MED4: variants seen among roughly 807,000 people sequenced by gnomAD.
MED4 encodes the protein mediator of RNA polymerase II transcription subunit 4.
In MED4, 21 loss-of-function variants were observed where a neutral mutation model predicts 35.0. The ratio of observed to expected loss-of-function variants is 0.60; its 90% CI spans 0.43 to 0.86. MED4 has a LOEUF of 0.86. MED4 is among the 40% of genes least tolerant of loss of function. The pLI is 0.00. For missense variants in MED4, 300 were observed against 319.4 expected (o/e 0.94, Z 0.46); for synonymous variants, 138 against 114.0 (o/e 1.21, Z -1.34).
intron 1 of MED4, 85 bp downstream of exon 1, chr13:48,094,869 G>C: frequency 1.3e-6 from 2 of 1,558,898 alleles, no homozygotes; most frequent in Non-Finnish European, 1.7e-6. Flanking sequence ...CGAACCCCGA[G>C]AACGAGCACA....
chr13:48,079,713 A>T (rs1950789804), intron 6 of MED4, 131 bp downstream of exon 6: 1 of 1,095,024 alleles, frequency 9.1e-7, no homozygotes, highest in Non-Finnish European at 1.3e-6. Flanking sequence ...ACATAACAAG[A>T]CTGTCTCAAA....
chr13:48,094,558 T>C (rs991214924), intron 1 of MED4, among the ~76,000 whole-genome samples: 2 of 152,030 alleles, frequency 1.3e-5, no homozygotes, highest in African/African-American at 4.8e-5. Flanking sequence ...TGTGCTCCAG[T>C]ACCCCGCAGC....
intron 4 of MED4, among the ~76,000 whole-genome samples, chr13:48,081,933 A>T (rs528581649): frequency 1.1e-4 from 17 of 152,374 alleles, no homozygotes; most frequent in Admixed American, 1.1e-3. Context: ...CAGAAAAATT[A>T]GCTGACATAA....
Position 48,083,382 on chromosome 13 carries a change from T to G in MED4, c.410A>C (p.Lys137Thr). 6.2e-7 allele frequency: 1 copy of G among 1,613,076 alleles called. No individual in the cohort carries two copies. Among genetic ancestry groups the G allele is most frequent in the Non-Finnish European group, 8.5e-7 (1 of 1,179,684 alleles). ...CCCATGATACTAACCTTTTCTTGCTTTTTCTATTGACTTGAGTTTCTCCTT... is the reference window on the plus strand; with the variant it reads ...CCCATGATACTAACCTTTTCTTGCTGTTTCTATTGACTTGAGTTTCTCCTT... ...QAKEKLKSIEKARKGAISSEE... is the reference protein window; with the variant it reads ...QAKEKLKSIETARKGAISSEE... Residue 137 changes from lysine to threonine, a missense_variant, in exon 4 of 7, where the codon AAA (lysine) becomes ACA (threonine). Physicochemically the swap from Lys to Thr is moderately conservative, Grantham distance 78. Transcript: ENST00000258648.
At chr13:48,091,162 ACTTT>A (rs898296575) in intron 1 of MED4, among the ~76,000 whole-genome samples, 1 of 152,208 alleles carries the variant, frequency 6.6e-6, no homozygotes, top group African/African-American at 2.4e-5. Context: ...ATGATTCTCC[ACTTT>A]ATTTGAATTT....
chr13:48,082,735 G>GA (rs1425480261), intron 4 of MED4, among the ~76,000 whole-genome samples: 2 of 152,060 alleles, frequency 1.3e-5, no homozygotes, highest in South Asian at 4.1e-4. Context: ...GCTGAGGCAG[G>GA]AGAGTGGCGT....
chr13:48,084,858 T>C (rs9534951), intron 3 of MED4, among the ~76,000 whole-genome samples: 62,369 of 150,632 alleles, frequency 0.41, 15,415 homozygotes, highest in East Asian at 0.54. Context: ...ATATATAATA[T>C]ATACAAACAT....
intron 1 of MED4, among the ~76,000 whole-genome samples, chr13:48,090,805 A>C (rs1054644355): frequency 1.3e-5 from 2 of 152,260 alleles, no homozygotes; most frequent in Non-Finnish European, 2.9e-5. Context: ...ATCAAACTAC[A>C]AATTGCAGAC....
chr13:48,087,163 C>T (rs1191934348), intron 2 of MED4, among the ~76,000 whole-genome samples: 3 of 150,616 alleles, frequency 2.0e-5, no homozygotes, highest in East Asian at 2.0e-4. Flanking sequence ...GTCAAAAGTT[C>T]GAGACCAGCC....
intron 4 of MED4, among the ~76,000 whole-genome samples, chr13:48,083,012 G>A (rs917948350): frequency 2.0e-5 from 3 of 152,266 alleles, no homozygotes; most frequent in East Asian, 1.9e-4. Context: ...GTTGCCCAAT[G>A]GATGTCTTTT....
chr13:48,092,939 G>C (rs1950900590), intron 1 of MED4, among the ~76,000 whole-genome samples: 1 of 152,036 alleles, frequency 6.6e-6, no homozygotes, highest in Non-Finnish European at 1.5e-5. Flanking sequence ...TAGAGGGGAG[G>C]TAGAAGTCTC....
At chr13:48,081,788 G>A in intron 4 of MED4, 57 bp from the exon 5 acceptor site, 1 of 1,077,658 alleles carries the variant, frequency 9.3e-7, no homozygotes, top group Non-Finnish European at 1.4e-6. Flanking sequence ...TACAAGTTTA[G>A]AAATGTATCT....
Position 48,079,954 on chromosome 13 carries a change from G to A in MED4, c.530C>T (p.Pro177Leu). The change falls in exon 6 of 7, where the codon CCA becomes CTA. Residue 177 changes from proline to leucine, a missense_variant. By Grantham distance (98) the Pro-to-Leu change is moderately conservative (BLOSUM62 -3). Coordinates refer to ENST00000258648, the MANE Select transcript of MED4 (RefSeq NM_014166.4). ...CCCACTTCTCATCTCTAAATCAGTT[G>A]GGTAGGGTCTCCGGGGGTCCCCTAA... ...WVPGDPRRPYPTDLEMRSGLL... is the reference protein window; with the variant it reads ...WVPGDPRRPYLTDLEMRSGLL... 6.2e-7 allele frequency: 1 copy of A among 1,613,674 alleles called. No homozygotes were observed. The highest frequency in any genetic ancestry group is 8.5e-7 in the Non-Finnish European group (1 of 1,179,768).
intron 6 of MED4, 124 bp from the exon 7 acceptor site, chr13:48,077,435 G>A: frequency 1.2e-6 from 1 of 819,378 alleles, no homozygotes; most frequent in Non-Finnish European, 1.7e-6. Flanking sequence ...TTCTTTTTTT[G>A]ACACAGGGTC....
At chr13:48,083,826 T>C (rs914257515) in intron 3 of MED4, among the ~76,000 whole-genome samples, 4 of 152,236 alleles carry the variant, frequency 2.6e-5, no homozygotes, top group Non-Finnish European at 5.9e-5. Context: ...CTTGAATTCA[T>C]ATTCTTATTC....
rs1950842576 is a variant in MED4 at position 48,085,507 on chromosome 13, T to C, written c.363+775A>G. ...TGCCCGGCCTGATTTTAATATATTT[T>C]TAAAAACTATTTACTAGTGAGTTGT... On this transcript the variant is annotated intron_variant, in intron 3 of 6. Transcript: ENST00000258648. Among the ~76,000 whole-genome samples the C allele has an allele frequency of 1.3e-5, 2 of 152,174 alleles. 1 individual carries two copies. Among genetic ancestry groups the C allele is most frequent in the South Asian group, 4.1e-4 (2 of 4,834 alleles).
intron 4 of MED4, among the ~76,000 whole-genome samples, chr13:48,083,015 T>A (rs147658267): frequency 6.6e-6 from 1 of 152,334 alleles, no homozygotes; most frequent in Non-Finnish European, 1.5e-5. Context: ...GCCCAATGGA[T>A]GTCTTTTCAC....
intron 6 of MED4, 99 bp from the exon 7 acceptor site, chr13:48,077,410 T>C: frequency 9.2e-7 from 1 of 1,085,102 alleles, no homozygotes; most frequent in Non-Finnish European, 1.2e-6. Flanking sequence ...TTTTTTTTAA[T>C]TTTACTTTTT....
intron 3 of MED4, among the ~76,000 whole-genome samples, chr13:48,084,405 T>C (rs1950834760): frequency 6.6e-6 from 1 of 152,174 alleles, no homozygotes. Flanking sequence ...TGACTTGATA[T>C]AAACTGTTAG....
Sources: gnomAD v4.1 joint callset for allele counts (sites outside exome capture counted in the v4.1 genomes callset) on GRCh38, gnomAD v4.1.1 for gene constraint, MANE v1.5 for transcripts, NCBI Gene and HGNC (gene_info 2026-07-23, HGNC 2026-07-21) for gene names.